NAA20: variants seen among roughly 807,000 people sequenced by gnomAD.
NAA20 encodes N-alpha-acetyltransferase 20, NatB catalytic subunit.
NAA20 carries 24 observed loss-of-function variants against 23.8 expected under a neutral mutation model. The ratio of observed to expected loss-of-function variants is 1.01; its 90% CI spans 0.73 to 1.42. The LOEUF is 1.42. Ranked by LOEUF, NAA20 falls within the 40% of genes most tolerant of loss-of-function variation. The pLI is 0.00. For synonymous variants in NAA20, 83 were observed against 77.7 expected (o/e 1.07, Z -0.36); for missense variants, 166 against 223.1 (o/e 0.74, Z 1.63).
At chr20:20,026,502 C>T (rs2043307241) in intron 3 of NAA20, among the ~76,000 whole-genome samples, 1 of 142,662 alleles carries the variant, frequency 7.0e-6, no homozygotes. Context: ...TGAAAAAATA[C>T]ATACTCTGGT....
intron 4 of NAA20, 60 bp downstream of exon 4, chr20:20,026,979 C>A: frequency 6.2e-7 from 1 of 1,602,390 alleles, no homozygotes; most frequent in Non-Finnish European, 8.5e-7. Flanking sequence ...ATTTTCTTCC[C>A]CTTCAGGCTG....
At chr20:20,018,065 C>CT (rs1175517810) in intron 1 of NAA20, 5 of 1,614,056 alleles carry the variant, frequency 3.1e-6, no homozygotes, top group Non-Finnish European at 4.2e-6. Context: ...AGTTTAGTTA[C>CT]TGTAGCTGCG....
At chr20:20,027,735 G>A (rs547678665) in intron 4 of NAA20, among the ~76,000 whole-genome samples, 7 of 150,884 alleles carry the variant, frequency 4.6e-5, no homozygotes, top group Admixed American at 6.6e-5. Context: ...CACAGTTTGC[G>A]AACTGCCAGC....
chr20:20,029,012 G>A (rs1489853136), intron 4 of NAA20, among the ~76,000 whole-genome samples: 3 of 152,012 alleles, frequency 2.0e-5, no homozygotes, highest in Admixed American at 6.6e-5. Flanking sequence ...TCACTGCAAC[G>A]TCTGCCTCCC....
intron 3 of NAA20, among the ~76,000 whole-genome samples, chr20:20,026,108 C>T (rs889904781): frequency 3.3e-5 from 5 of 152,086 alleles, no homozygotes; most frequent in South Asian, 2.1e-4. Context: ...AGTTCAAGAT[C>T]GGCCTGGCCA....
chr20:20,033,363 A>C lies in NAA20; in HGVS notation c.*176A>C. 10 of 566,430 alleles carry C rather than the reference A, an allele frequency of 1.8e-5. No homozygotes were observed. Among genetic ancestry groups the C allele is most frequent in the East Asian group, 5.8e-5 (2 of 34,344 alleles). The allele number at this position is 566,430 out of a possible 1,614,324, so 35.1% of individuals were successfully genotyped here. A position where few individuals can be genotyped will look rare whatever the true frequency, so the allele number is the denominator to read the frequency against. On this transcript the variant is annotated 3_prime_UTR_variant, in exon 6 of 6. Coordinates refer to ENST00000334982, the MANE Select transcript of NAA20 (RefSeq NM_016100.5). ...CTCATTGTTTCCAGTTAGCAATATCATACCTATTAAAGCTGTTCATTGTAA... is the reference window on the plus strand; with the variant it reads ...CTCATTGTTTCCAGTTAGCAATATCCTACCTATTAAAGCTGTTCATTGTAA...
At chr20:20,021,643 G>A (rs546523652) in intron 1 of NAA20, among the ~76,000 whole-genome samples, 5 of 152,276 alleles carry the variant, frequency 3.3e-5, no homozygotes, top group African/African-American at 7.2e-5. Flanking sequence ...TAGCGTAAAG[G>A]AGTTCTGAAA....
chr20:20,023,580 C>A (rs2043286527), intron 2 of NAA20, among the ~76,000 whole-genome samples: 1 of 152,190 alleles, frequency 6.6e-6, no homozygotes, highest in Non-Finnish European at 1.5e-5. Flanking sequence ...GATAACCCCA[C>A]ATCTCTAGTG....
chr20:20,019,387 C>T (rs1435051721), intron 1 of NAA20, among the ~76,000 whole-genome samples: 2 of 152,088 alleles, frequency 1.3e-5, no homozygotes, highest in African/African-American at 4.8e-5. Flanking sequence ...TGGGAGGTGA[C>T]AGGGTGCCTT....
chr20:20,026,716 C>G (rs1221248505), intron 3 of NAA20, 68 bp from the exon 4 acceptor site: 2 of 1,581,922 alleles, frequency 1.3e-6, no homozygotes, highest in African/African-American at 2.7e-5. Context: ...ACATACTGAA[C>G]AGTAATTCTA....
At chr20:20,021,263 T>G (rs2043266455) in intron 1 of NAA20, among the ~76,000 whole-genome samples, 1 of 152,114 alleles carries the variant, frequency 6.6e-6, no homozygotes, top group Non-Finnish European at 1.5e-5. Flanking sequence ...CCAAGATTGT[T>G]TCAGGTGTTG....
intron 1 of NAA20, chr20:20,017,716 T>A: frequency 7.0e-7 from 1 of 1,430,248 alleles, no homozygotes; most frequent in Non-Finnish European, 9.1e-7. Context: ...TGGCAGGTTC[T>A]GGGGCAGCGC....
chr20:20,028,555 A>G (rs921044353), intron 4 of NAA20, among the ~76,000 whole-genome samples: 5 of 152,326 alleles, frequency 3.3e-5, no homozygotes, highest in African/African-American at 1.2e-4. Context: ...TTTGTATGAT[A>G]GATTCTCCCT....
intron 4 of NAA20, 59 bp from the exon 5 acceptor site, chr20:20,032,449 T>A (rs1218262626): frequency 7.7e-6 from 12 of 1,552,558 alleles, no homozygotes; most frequent in Non-Finnish European, 1.1e-5. Flanking sequence ...AATATGTATC[T>A]ATTACTTTCT....
intron 1 of NAA20, 80 bp downstream of exon 1, chr20:20,017,529 C>T (rs2043239789): frequency 1.3e-6 from 2 of 1,521,390 alleles, no homozygotes; most frequent in Admixed American, 2.1e-5. Flanking sequence ...CCCAGCCGCG[C>T]CTTCCCGGCC....
At chr20:20,017,474 G>C (rs2043239149) in intron 1 of NAA20, 25 bp downstream of exon 1, 2 of 1,589,052 alleles carry the variant, frequency 1.3e-6, no homozygotes, top group African/African-American at 1.4e-5. Context: ...CCTAGGGCCA[G>C]CCGCTCTTGG....
At chr20:20,026,444 A>T (rs1225537381) in intron 3 of NAA20, among the ~76,000 whole-genome samples, 1 of 152,116 alleles carries the variant, frequency 6.6e-6, no homozygotes, top group Non-Finnish European at 1.5e-5. Context: ...ATATGTGTAC[A>T]TCCACATGTA....
intron 1 of NAA20, among the ~76,000 whole-genome samples, chr20:20,021,088 A>G (rs1046499424): frequency 5.0e-5 from 7 of 139,888 alleles, no homozygotes; most frequent in Non-Finnish European, 1.1e-4. Context: ...TTCTCTTCTT[A>G]GTGATGAAAT....
rs776925194 is a variant in NAA20, at chr20:20,032,532, C to G, written c.330C>G (p.Leu110=). 1.4e-5 allele frequency: 23 copies of G among 1,612,298 alleles called. No homozygotes were observed. In the African/African-American group the frequency reaches 2.9e-4, roughly 21 times the overall value. ...GAAAGGGTGGATTTTTTGTGGATCT[C>G]TTTGTAAGAGTATCTAACCAAGTTG... ...SERKGGFFVD[L]FVRVSNQVAV... Residue 110 remains leucine (L), a synonymous_variant, in exon 5 of 6, where the codon CTC becomes CTG. Coordinates refer to ENST00000334982, the MANE Select transcript of NAA20 (RefSeq NM_016100.5).
Sources: gnomAD v4.1 joint callset for allele counts (sites outside exome capture counted in the v4.1 genomes callset) on GRCh38, gnomAD v4.1.1 for gene constraint, MANE v1.5 for transcripts, NCBI Gene and HGNC (gene_info 2026-07-23, HGNC 2026-07-21) for gene names.